The following WSCD1 variants were observed in gnomAD, a reference collection of about 807,000 sequenced individuals.
WSCD1 encodes the protein sialate:O-sulfotransferase 1.
A neutral mutation model predicts 60.4 loss-of-function variants in WSCD1; 41 were observed. The observed-to-expected ratio is 0.68, with a 90% CI of 0.53 to 0.88. The LOEUF is 0.88. WSCD1 is among the 40% of genes least tolerant of loss of function. WSCD1 has a pLI of 0.00. For missense variants in WSCD1, 784 were observed against 796.2 expected (o/e 0.98, Z 0.18); for synonymous variants, 361 against 332.5 (o/e 1.09, Z -0.93).
chr17:6,078,352 C>G (rs1909000879), intron 1 of WSCD1, among the ~76,000 whole-genome samples: 1 of 152,146 alleles, frequency 6.6e-6, no homozygotes, highest in Non-Finnish European at 1.5e-5. Flanking sequence ...GAGTGCTGGG[C>G]TGAGGGTCAG....
chr17:6,071,880 G>T (rs947480308), intron 1 of WSCD1, among the ~76,000 whole-genome samples: 2 of 152,190 alleles, frequency 1.3e-5, no homozygotes, highest in African/African-American at 4.8e-5. Flanking sequence ...TGGCCCTCAG[G>T]AGATCCTCCG....
chr17:6,100,246 G>A (rs941814596), intron 5 of WSCD1, among the ~76,000 whole-genome samples: 3 of 152,156 alleles, frequency 2.0e-5, no homozygotes, highest in African/African-American at 7.2e-5. Flanking sequence ...CGGGGCAGCT[G>A]ACCTGTCCAA....
In WSCD1 at chr17:6,080,940, G is replaced by C. The variant is rs1446914540; in HGVS notation, c.282G>C (p.Arg94=). 1 of 1,569,984 alleles carries C rather than the reference G, an allele frequency of 6.4e-7. No individual in the cohort carries two copies. Among genetic ancestry groups the C allele is most frequent in the African/African-American group, 1.3e-5 (1 of 74,552 alleles). Residue 94 remains arginine, a synonymous_variant, in exon 2 of 9, where the codon CGG becomes CGC. Transcript: ENST00000317744. The surrounding 1 kb of genome is among the most constrained non-coding windows in gnomAD (Gnocchi z 6.6). ...ACATGCTGCAGAGCCCCCTGACCCG[G>C]CCCCGGCCCGGCCCCCGCTGGCTCC... ...GVDMLQSPLT[R]PRPGPRWLRS... is the part of the protein sequence containing the mutation.
At chr17:6,087,569 A>G (rs1204309481) in intron 2 of WSCD1, among the ~76,000 whole-genome samples, 1 of 152,226 alleles carries the variant, frequency 6.6e-6, no homozygotes, top group Non-Finnish European at 1.5e-5. Flanking sequence ...CTGGCCCCCA[A>G]GGAGGCAACG....
In WSCD1 at chr17:6,118,299, A is replaced by G. The variant is rs561025043; in HGVS notation, c.1375+111A>G. ...AGGCACTGCAGGATGCAGGATCAGT[A>G]TACACAGGTAGGCACTCAAACCCCA... On this transcript the variant is annotated intron_variant, in intron 8 of 8. Transcript: ENST00000317744. This position sits in a 1 kb window ranked among gnomAD's most constrained non-coding sequence, Gnocchi z 5.8. 2 of 1,181,492 alleles carry G rather than the reference A, an allele frequency of 1.7e-6. No homozygotes were observed. The highest frequency in any genetic ancestry group is 2.9e-5 in the South Asian group (2 of 68,850). The allele number at this position is 1,181,492 out of a possible 1,614,324, so 73.2% of individuals were successfully genotyped here.
At chr17:6,115,525 T>A (rs1028212360) in intron 7 of WSCD1, among the ~76,000 whole-genome samples, 2 of 152,208 alleles carry the variant, frequency 1.3e-5, no homozygotes, top group Admixed American at 1.3e-4. Context: ...AAAAATGTAT[T>A]AAAATGTATT....
rs747356255 is a variant in WSCD1, at chr17:6,080,820, C to T, written c.162C>T (p.Thr54=). 6.2e-7 allele frequency: 1 copy of T among 1,609,308 alleles called. No individual in the cohort carries two copies. The highest frequency in any genetic ancestry group is 8.5e-7 in the Non-Finnish European group (1 of 1,178,650). The change falls in exon 2 of 9, where the codon ACC becomes ACT. Residue 54 remains threonine, a synonymous_variant. Transcript: ENST00000317744. This position sits in a 1 kb window ranked among gnomAD's most constrained non-coding sequence, Gnocchi z 6.6. ...CCCGGGCACCCGGCCCCCTGCAGACCTTGCCAGTGGCCGCCGTGGCGCTGG... is the reference window on the plus strand; with the variant it reads ...CCCGGGCACCCGGCCCCCTGCAGACTTTGCCAGTGGCCGCCGTGGCGCTGG... The part of the protein sequence containing the change: ...QGPRAPGPLQ[T]LPVAAVALGV...
chr17:6,076,059 A>G (rs1417195682), intron 1 of WSCD1, among the ~76,000 whole-genome samples: 1 of 152,134 alleles, frequency 6.6e-6, no homozygotes, highest in Non-Finnish European at 1.5e-5. Context: ...TCAAGAATAA[A>G]TCTTGCCTCG....
intron 3 of WSCD1, 69 bp downstream of exon 3, chr17:6,088,173 A>C (rs1267340920): frequency 1.6e-5 from 21 of 1,325,860 alleles, no homozygotes; most frequent in Non-Finnish European, 1.5e-5. Flanking sequence ...CAGAATGAGG[A>C]GGCATATCAG....
At chr17:6,084,549 A>G (rs1342280224) in intron 2 of WSCD1, among the ~76,000 whole-genome samples, 1 of 152,234 alleles carries the variant, frequency 6.6e-6, no homozygotes, top group Non-Finnish European at 1.5e-5. Context: ...TCCATCAATC[A>G]CTGAGCATTT....
At chr17:6,091,240 T>G (rs1910020845) in intron 4 of WSCD1, among the ~76,000 whole-genome samples, 1 of 152,144 alleles carries the variant, frequency 6.6e-6, no homozygotes. Flanking sequence ...AATCAGAAAA[T>G]TCCCTAACTA....
chr17:6,120,176 G>A (rs995782936), intron 8 of WSCD1, 133 bp from the exon 9 acceptor site: 92 of 988,326 alleles, frequency 9.3e-5, no homozygotes, highest in Non-Finnish European at 1.3e-4. Context: ...CCTCCATGGG[G>A]AATGCCAGGT....
rs557270547 is a variant in WSCD1, at chr17:6,099,429, C to T, written c.849+4206C>T. ...ACTCAGGAGACTGAGGGAGGAGAAT[C>T]GCTTGAACCCAGGAGGCAGAGGTTG... On this transcript the variant is annotated intron_variant, in intron 5 of 8. Transcript: ENST00000317744. Among the ~76,000 whole-genome samples the T allele has an allele frequency of 1.8e-4, 27 of 151,974 alleles. No individual in the cohort carries two copies. In the South Asian group the frequency reaches 5.4e-3, roughly 30 times the overall value.
intron 5 of WSCD1, among the ~76,000 whole-genome samples, chr17:6,095,536 A>G (rs1236795599): frequency 6.6e-6 from 1 of 152,272 alleles, no homozygotes; most frequent in Non-Finnish European, 1.5e-5. Context: ...TTTGGAAGCC[A>G]GAAGATGCTG....
rs570366729 is a variant in WSCD1, at chr17:6,106,838, G to C, written c.850-2769G>C. On this transcript the variant is annotated intron_variant, in intron 5 of 8. Transcript: ENST00000317744. ...GGTGACTTGAAGAAAGTGAGGGAGAGAGCTATGAGGGTATCTGGGTGAAGG... is the reference window on the plus strand; with the variant it reads ...GGTGACTTGAAGAAAGTGAGGGAGACAGCTATGAGGGTATCTGGGTGAAGG... Among the ~76,000 whole-genome samples, 51 of 152,140 alleles carry C rather than the reference G, an allele frequency of 3.4e-4. No individual in the cohort carries two copies. In the South Asian group the frequency reaches 6.9e-3, roughly 20 times the overall value.
chr17:6,081,130 C>G, intron 2 of WSCD1, 45 bp downstream of exon 2: 1 of 1,494,604 alleles, frequency 6.7e-7, no homozygotes, highest in Non-Finnish European at 8.9e-7. Context: ...CAGGACCCCC[C>G]ATTCAGGGTC....
intron 1 of WSCD1, among the ~76,000 whole-genome samples, chr17:6,073,894 C>T (rs1398016161): frequency 1.3e-5 from 2 of 152,174 alleles, no homozygotes; most frequent in African/African-American, 2.4e-5. Context: ...TAGCAATAGC[C>T]GTTTGTATTT....
Position 6,120,409 on chromosome 17 carries a change from G to A in WSCD1, c.1476G>A (p.Glu492=). Residue 492 remains glutamate (E), a synonymous_variant, in exon 9 of 9, where the codon GAG becomes GAA. Coordinates refer to ENST00000317744, the MANE Select transcript of WSCD1 (RefSeq NM_015253.2). ...GGCTGCTGGTGGTGCACTACGAGGA[G>A]CTGCGGCGCAGCCTGGTGCCCACGT... ...GKRLLVVHYE[E]LRRSLVPTLR... 6.2e-7 allele frequency: 1 copy of A among 1,614,066 alleles called. No homozygotes were observed. The highest frequency in any genetic ancestry group is 8.5e-7 in the Non-Finnish European group (1 of 1,180,012).
At chr17:6,119,346 G>A (rs1240172806) in intron 8 of WSCD1, among the ~76,000 whole-genome samples, 5 of 152,262 alleles carry the variant, frequency 3.3e-5, no homozygotes, top group East Asian at 1.9e-4. Context: ...TACCAGGAGC[G>A]CAGGCTGATG....
Sources: allele counts gnomAD v4.1 joint callset (sites outside exome capture counted in the v4.1 genomes callset), GRCh38; gene constraint gnomAD v4.1.1; non-coding constraint Gnocchi (gnomAD v3.1); transcripts MANE v1.5; gene names NCBI Gene and HGNC (gene_info 2026-07-23, HGNC 2026-07-21).